Variants in MYT1L observed in about 807,000 individuals in gnomAD.
The protein encoded by MYT1L is myelin transcription factor 1 like, also known as myelin transcription factor 1-like protein.
Under a neutral mutation model 126.7 loss-of-function variants are expected in MYT1L, and 12 were observed. The observed-to-expected ratio is 0.09, with a 90% CI of 0.06 to 0.15. The LOEUF is 0.15. MYT1L is among the 10% of genes least tolerant of loss of function. MYT1L has a pLI of 1.00. For synonymous variants in MYT1L, 541 were observed against 604.2 expected (o/e 0.90, Z 1.53); for missense variants, 979 against 1,585.2 (o/e 0.62, Z 6.49).
intron 4 of MYT1L, among the ~76,000 whole-genome samples, chr2:2,006,888 G>GA (rs35294802): frequency 0.062 from 8,806 of 141,742 alleles, 279 homozygotes; most frequent in African/African-American, 0.07. Context: ...AGCTCTTTAG[G>GA]AAAAAAAAAA....
chr2:2,128,701 A>G (rs904770849), intron 3 of MYT1L, among the ~76,000 whole-genome samples: 1 of 152,232 alleles, frequency 6.6e-6, no homozygotes. Context: ...AAACAATAGG[A>G]AACATTCTAT....
At chr2:2,057,020 T>C (rs1309471116) in intron 3 of MYT1L, among the ~76,000 whole-genome samples, 1 of 152,218 alleles carries the variant, frequency 6.6e-6, no homozygotes, top group Non-Finnish European at 1.5e-5. Flanking sequence ...CCCGTCTCAG[T>C]GTCCGCCAAT....
At chr2:2,284,983 TG>T (rs2095498412) in intron 1 of MYT1L, among the ~76,000 whole-genome samples, 1 of 152,208 alleles carries the variant, frequency 6.6e-6, no homozygotes, top group Non-Finnish European at 1.5e-5. Context: ...CCCAAAGTGC[TG>T]GGATTACAGG....
At chr2:2,179,210 G>C (rs950921411) in intron 2 of MYT1L, among the ~76,000 whole-genome samples, 1 of 152,156 alleles carries the variant, frequency 6.6e-6, no homozygotes, top group African/African-American at 2.4e-5. Flanking sequence ...GGTGCCTTCT[G>C]AATTTTGGAG....
intron 2 of MYT1L, among the ~76,000 whole-genome samples, chr2:2,179,695 C>T (rs575930156): frequency 6.6e-6 from 1 of 152,204 alleles, no homozygotes; most frequent in African/African-American, 2.4e-5. Flanking sequence ...ACTAAAAGCA[C>T]GCACTGTAGC....
chr2:1,895,555 C>T (rs557949911), intron 14 of MYT1L, among the ~76,000 whole-genome samples: 8 of 152,248 alleles, frequency 5.3e-5, no homozygotes, highest in Admixed American at 1.3e-4. Flanking sequence ...AATAAAGCCA[C>T]GCACCTACAA....
chr2:1,974,049 C>G (rs2059999552), intron 8 of MYT1L, among the ~76,000 whole-genome samples: 1 of 152,328 alleles, frequency 6.6e-6, no homozygotes, highest in South Asian at 2.1e-4. Context: ...GGACGGTACA[C>G]CGGGACAGCT....
rs959133997 is a variant in MYT1L, at chr2:1,791,022, T to C, written c.*845A>G. ...TTTATTGAAAATGGAAAAGGAAATC[T>C]TCACGTTGTCCACCTCTGATAAGAT... On this transcript the variant is annotated 3_prime_UTR_variant, in exon 25 of 25. Coordinates refer to ENST00000647738, the MANE Select transcript of MYT1L (RefSeq NM_001303052.2). The surrounding 1 kb of genome is among the most constrained non-coding windows in gnomAD (Gnocchi z 6.0). 1 of 305,830 alleles carries C rather than the reference T, an allele frequency of 3.3e-6. No homozygotes were observed. Among genetic ancestry groups the C allele is most frequent in the Non-Finnish European group, 6.6e-6 (1 of 151,828 alleles). The allele number at this position is 305,830 out of a possible 1,614,324, so 18.9% of individuals were successfully genotyped here.
chr2:2,220,270 C>T, intron 2 of MYT1L, among the ~76,000 whole-genome samples: 1 of 152,120 alleles, frequency 6.6e-6, no homozygotes, highest in East Asian at 1.9e-4. Flanking sequence ...CAATCAAATA[C>T]ATTTAAGAAA....
chr2:1,989,078 TAC>T (rs1178543351), intron 5 of MYT1L, among the ~76,000 whole-genome samples: 1 of 152,090 alleles, frequency 6.6e-6, no homozygotes, highest in African/African-American at 2.4e-5. Context: ...GGCCCCAGAG[TAC>T]AGTCTCCAGG....
intron 4 of MYT1L, among the ~76,000 whole-genome samples, chr2:2,036,927 C>G (rs1341253959): frequency 6.6e-6 from 1 of 152,194 alleles, no homozygotes; most frequent in Admixed American, 6.5e-5. Context: ...CTTCCTTGGT[C>G]TCTGGTCTCA....
chr2:2,252,998 C>G (rs993800964), intron 2 of MYT1L, among the ~76,000 whole-genome samples: 11 of 152,090 alleles, frequency 7.2e-5, no homozygotes. Context: ...AAATTTCTAT[C>G]CCTCACTTGA....
At chr2:1,796,103 G>GC (rs761281346) in intron 23 of MYT1L, among the ~76,000 whole-genome samples, 1 of 152,232 alleles carries the variant, frequency 6.6e-6, no homozygotes, top group Non-Finnish European at 1.5e-5. Flanking sequence ...TCCGACTGCA[G>GC]CACCACGTGA....
chr2:2,235,987 A>G (rs898031273), intron 2 of MYT1L, among the ~76,000 whole-genome samples: 5 of 152,196 alleles, frequency 3.3e-5, no homozygotes, highest in Admixed American at 3.3e-4. Flanking sequence ...ATAATAGCGT[A>G]TCATTACCCT....
At chr2:1,834,521 C>A (rs976249306) in intron 21 of MYT1L, among the ~76,000 whole-genome samples, 1 of 152,182 alleles carries the variant, frequency 6.6e-6, no homozygotes, top group Non-Finnish European at 1.5e-5. Flanking sequence ...GGGAAGGAAG[C>A]TTGGATACGT....
chr2:1,929,631 A>G lies in MYT1L; in HGVS notation c.506-6368T>C, dbSNP rs2054690286. Among the ~76,000 whole-genome samples, 1 of 152,226 alleles carries G rather than the reference A, an allele frequency of 6.6e-6. No homozygotes were observed. The highest frequency in any genetic ancestry group is 2.4e-5 in the African/African-American group (1 of 41,454). On this transcript the variant is annotated intron_variant, in intron 9 of 24. Transcript: ENST00000647738. The surrounding 1 kb of genome is among the most constrained non-coding windows in gnomAD (Gnocchi z 4.7). ...ACAGTTCAGTGATTTCTGAGTTAAC[A>G]GAGGTTAAAATTCTCCCAGCAGAAG...
At chr2:2,201,596 G>A (rs1190496141) in intron 2 of MYT1L, among the ~76,000 whole-genome samples, 1 of 151,886 alleles carries the variant, frequency 6.6e-6, no homozygotes, top group Non-Finnish European at 1.5e-5. Context: ...TACTCAGGAG[G>A]CTGAGGCAGG....
At chr2:1,878,605 C>T (rs984572825) in intron 18 of MYT1L, among the ~76,000 whole-genome samples, 10 of 152,110 alleles carry the variant, frequency 6.6e-5, no homozygotes, top group Non-Finnish European at 5.9e-5. Flanking sequence ...AGATGAAATA[C>T]GATCAAGAAT....
intron 3 of MYT1L, among the ~76,000 whole-genome samples, chr2:2,152,344 T>G (rs1156962024): frequency 6.6e-6 from 1 of 152,208 alleles, no homozygotes; most frequent in African/African-American, 2.4e-5. Context: ...GGAGTGCAAT[T>G]TAAAACTTAT....
Sources: allele counts gnomAD v4.1 joint callset (sites outside exome capture counted in the v4.1 genomes callset), GRCh38; gene constraint gnomAD v4.1.1; non-coding constraint Gnocchi (gnomAD v3.1); transcripts MANE v1.5; gene names NCBI Gene and HGNC (gene_info 2026-07-23, HGNC 2026-07-21).